Variants in ALK observed in about 807,000 individuals in gnomAD.
The protein encoded by ALK is ALK tyrosine kinase receptor.
Under a neutral mutation model 163.1 loss-of-function variants are expected in ALK, and 74 were observed. That is an observed-to-expected ratio of 0.45 (90% CI 0.38 to 0.55). ALK has a LOEUF of 0.55. Ranked by LOEUF, ALK falls within the 20% of genes least tolerant of loss-of-function variation. ALK has a pLI of 0.00. For synonymous variants in ALK, 960 were observed against 843.2 expected, an observed-to-expected ratio of 1.14 and a Z score of -2.40; for missense variants, 2,063 against 2,105.3, an observed-to-expected ratio of 0.98 and a Z score of 0.39.
chr2:29,448,466 T>G (rs935311673), intron 4 of ALK, among the ~76,000 whole-genome samples: 1 of 152,166 alleles, frequency 6.6e-6, no homozygotes, highest in African/African-American at 2.4e-5. Flanking sequence ...CTCTACACTC[T>G]GGGGAAGGGA....
In ALK at chr2:29,883,139, A is replaced by G. The variant is rs1199197322; in HGVS notation, c.667+36854T>C. Among the ~76,000 whole-genome samples the G allele has an allele frequency of 2.0e-5, 3 of 150,922 alleles. 1 individual carries two copies. On this transcript the variant is annotated intron_variant, in intron 1 of 28. Coordinates refer to ENST00000389048, the MANE Select transcript of ALK (RefSeq NM_004304.5). ...AAGGGAAGGGAAGGTAAAAGAAAAAAAGAAAAAGAAAAAGAAAAGAGGAAA... is the reference window on the plus strand; with the variant it reads ...AAGGGAAGGGAAGGTAAAAGAAAAAGAGAAAAAGAAAAAGAAAAGAGGAAA...
intron 5 of ALK, among the ~76,000 whole-genome samples, chr2:29,329,852 G>A (rs768059635): frequency 6.6e-6 from 1 of 152,176 alleles, no homozygotes; most frequent in African/African-American, 2.4e-5. Context: ...AACTAGACAG[G>A]TCTTAATGAT....
At chr2:29,733,991 G>A (rs994133893) in intron 1 of ALK, among the ~76,000 whole-genome samples, 1 of 152,110 alleles carries the variant, frequency 6.6e-6, no homozygotes, top group Non-Finnish European at 1.5e-5. Context: ...GGAGTTGCTT[G>A]TAATGCTTAC....
chr2:29,231,265 A>G (rs62130593), intron 15 of ALK, among the ~76,000 whole-genome samples: 18,329 of 152,232 alleles, frequency 0.12, 1,323 homozygotes, highest in African/African-American at 0.21. Flanking sequence ...TTGAACCTGC[A>G]AGTCAGAGGT....
At chr2:29,322,388 CAT>C (rs1473004373) in intron 6 of ALK, among the ~76,000 whole-genome samples, 1 of 152,180 alleles carries the variant, frequency 6.6e-6, no homozygotes, top group Non-Finnish European at 1.5e-5. Context: ...CTAAGCCCCA[CAT>C]GTTTCTATGA....
intron 4 of ALK, among the ~76,000 whole-genome samples, chr2:29,409,560 C>A (rs1669678414): frequency 6.6e-6 from 1 of 152,162 alleles, no homozygotes; most frequent in South Asian, 2.1e-4. Context: ...GGGGAGGACA[C>A]AATTCACAAG....
rs981637633 is a variant in ALK at position 29,627,417 on chromosome 2, T to G, written c.952+67433A>C. 3.9e-5 allele frequency among the ~76,000 whole-genome samples: 6 copies of G among 152,328 alleles called. No individual in the cohort carries two copies. In the South Asian group the frequency reaches 1.2e-3, roughly 32 times the overall value. On this transcript the variant is annotated intron_variant, in intron 3 of 28. Transcript: ENST00000389048. ...TGATGCCGCAAATTTCTGCATTAGA[T>G]GGCTGGTAGCCCATTTCCACTCCCT...
chr2:29,551,496 G>A (rs1673712103), intron 3 of ALK, among the ~76,000 whole-genome samples: 1 of 152,096 alleles, frequency 6.6e-6, no homozygotes, highest in African/African-American at 2.4e-5. Flanking sequence ...AACAAATTTA[G>A]AGGGTTAGGT....
intron 5 of ALK, 135 bp from the exon 6 acceptor site, chr2:29,328,616 T>C (rs997414360): frequency 5.3e-5 from 64 of 1,217,970 alleles, no homozygotes; most frequent in Admixed American, 1.7e-4. Context: ...CAAGGCCTGA[T>C]TGAGACATCT....
intron 1 of ALK, among the ~76,000 whole-genome samples, chr2:29,825,925 C>A (rs926991334): frequency 2.0e-5 from 3 of 152,112 alleles, no homozygotes; most frequent in African/African-American, 7.2e-5. Context: ...GGGGTTAGAA[C>A]AGAGTGACTA....
At chr2:29,244,919 GT>G (rs1170442452) in intron 12 of ALK, among the ~76,000 whole-genome samples, 1 of 152,278 alleles carries the variant, frequency 6.6e-6, no homozygotes, top group African/African-American at 2.4e-5. Flanking sequence ...AGGCTCCAGA[GT>G]CTCAGGCCTT....
At chr2:29,604,789 A>G (rs1265334207) in intron 3 of ALK, among the ~76,000 whole-genome samples, 1 of 152,196 alleles carries the variant, frequency 6.6e-6, no homozygotes, top group Non-Finnish European at 1.5e-5. Context: ...CACAGGAACA[A>G]AGCCACAAGC....
At chr2:29,601,982 T>G (rs778179150) in intron 3 of ALK, among the ~76,000 whole-genome samples, 3 of 152,044 alleles carry the variant, frequency 2.0e-5, no homozygotes, top group Non-Finnish European at 2.9e-5. Context: ...CTCTACCAGC[T>G]CAGTGTCCTG....
At chr2:29,353,597 C>T (rs73920794) in intron 5 of ALK, among the ~76,000 whole-genome samples, 15,254 of 152,164 alleles carry the variant, frequency 0.1, 864 homozygotes, top group Admixed American at 0.13. Flanking sequence ...AAGCCTGCTC[C>T]TGTCTGTACA....
intron 5 of ALK, among the ~76,000 whole-genome samples, chr2:29,373,679 C>T (rs1668687066): frequency 6.6e-6 from 1 of 152,212 alleles, no homozygotes; most frequent in African/African-American, 2.4e-5. Context: ...AAAGTAAGAA[C>T]TTCTTTGCCA....
chr2:29,631,021 C>T (rs1232023590), intron 3 of ALK, among the ~76,000 whole-genome samples: 1 of 152,186 alleles, frequency 6.6e-6, no homozygotes, highest in Non-Finnish European at 1.5e-5. Context: ...AGCAAATTCA[C>T]AGATCTGTAG....
At chr2:29,733,144 G>C (rs897718061) in intron 1 of ALK, among the ~76,000 whole-genome samples, 18 of 152,070 alleles carry the variant, frequency 1.2e-4, no homozygotes, top group African/African-American at 3.9e-4. Flanking sequence ...TGGCTAGTGG[G>C]GCACTCTCCC....
intron 1 of ALK, among the ~76,000 whole-genome samples, chr2:29,861,748 T>C (rs1421466447): frequency 6.6e-6 from 1 of 152,136 alleles, no homozygotes; most frequent in Non-Finnish European, 1.5e-5. Flanking sequence ...TCCAAATAAA[T>C]TGAAGAGGAA....
At chr2:29,348,386 T>C (rs567763313) in intron 5 of ALK, among the ~76,000 whole-genome samples, 2 of 152,386 alleles carry the variant, frequency 1.3e-5, no homozygotes, top group East Asian at 1.9e-4. Context: ...ATTTGGTATT[T>C]GTGCATCCTC....
Sources: gnomAD v4.1 joint callset for allele counts (sites outside exome capture counted in the v4.1 genomes callset) on GRCh38, gnomAD v4.1.1 for gene constraint, MANE v1.5 for transcripts, NCBI Gene and HGNC (gene_info 2026-07-23, HGNC 2026-07-21) for gene names.